DRC2: variants seen among roughly 807,000 people sequenced by gnomAD.
The protein encoded by DRC2 is dynein regulatory complex subunit 2.
chr12:48,915,288 T>C, the DRC2 span, among the ~76,000 whole-genome samples: 1 of 149,994 alleles, frequency 6.7e-6, no homozygotes, highest in Non-Finnish European at 1.5e-5. Context: ...CCCTGGGTAC[T>C]TGAGATTAGG....
chr12:48,908,601 ATTATTATTT>A, the DRC2 span, among the ~76,000 whole-genome samples: 4 of 100,618 alleles, frequency 4.0e-5, no homozygotes, highest in Non-Finnish European at 8.0e-5. Flanking sequence ...TATTATTATT[ATTATTATTT>A]ATTTATTTAT....
At chr12:48,914,278 A>G in the DRC2 span, 1 of 934,400 alleles carries the variant, frequency 1.1e-6, no homozygotes, top group Non-Finnish European at 1.6e-6. Context: ...TGAGGGGGAC[A>G]GCCAGCATTC....
At chr12:48,910,592 G>GA in the DRC2 span, among the ~76,000 whole-genome samples, 27 of 151,858 alleles carry the variant, frequency 1.8e-4, no homozygotes, top group African/African-American at 6.5e-4. Flanking sequence ...AAATTCAAAA[G>GA]AAAAAAAGGT....
At chr12:48,917,498 C>T in the DRC2 span, among the ~76,000 whole-genome samples, 1 of 151,762 alleles carries the variant, frequency 6.6e-6, no homozygotes, top group South Asian at 2.1e-4. Flanking sequence ...GAAAAATGCT[C>T]AAGGCTACTA....
the DRC2 span, among the ~76,000 whole-genome samples, chr12:48,915,114 C>CTT: frequency 9.3e-4 from 125 of 133,844 alleles, no homozygotes; most frequent in South Asian, 3.1e-3. Context: ...CACTTTCTTT[C>CTT]TTTTTTTTTT....
chr12:48,918,028 C>T, the DRC2 span: 1 of 447,834 alleles, frequency 2.2e-6, no homozygotes. Context: ...TGGCAAGGCT[C>T]ACGTGGAGCT....
the DRC2 span, among the ~76,000 whole-genome samples, chr12:48,909,112 C>G: frequency 7.4e-6 from 1 of 135,222 alleles, no homozygotes; most frequent in African/African-American, 2.8e-5. Flanking sequence ...GGCGCAATCT[C>G]GGCTCACCGC....
chr12:48,913,476 T>C, the DRC2 span, among the ~76,000 whole-genome samples: 1 of 151,058 alleles, frequency 6.6e-6, no homozygotes, highest in Non-Finnish European at 1.5e-5. Context: ...CTAACTTTTG[T>C]ATTTTTATTA....
At chr12:48,920,038 G>A in the DRC2 span, among the ~76,000 whole-genome samples, 1 of 149,772 alleles carries the variant, frequency 6.7e-6, no homozygotes, top group African/African-American at 2.5e-5. Flanking sequence ...ACTTGAGCCT[G>A]GGACATCGCG....
At chr12:48,909,146 C>A in the DRC2 span, among the ~76,000 whole-genome samples, 1 of 145,772 alleles carries the variant, frequency 6.9e-6, no homozygotes, top group Non-Finnish European at 1.5e-5. Context: ...TGGGTTCAAG[C>A]GATTCTTCTG....
chr12:48,906,480 C>T, the DRC2 span, among the ~76,000 whole-genome samples: 2 of 151,460 alleles, frequency 1.3e-5, no homozygotes, highest in Non-Finnish European at 2.9e-5. Context: ...GATGGGGTTT[C>T]TTCATGTCGG....
At chr12:48,912,437 C>CAAAAAAAAAAAAAAAAAAAAAA in the DRC2 span, among the ~76,000 whole-genome samples, 157 of 45,346 alleles carry the variant, frequency 3.5e-3, 24 homozygotes, top group Middle Eastern at 0.018. Context: ...GACGCCGTCT[C>CAAAAAAAAAAAAAAAAAAAAAA]AAAAAAAAAA....
At chr12:48,909,968 C>T in the DRC2 span, among the ~76,000 whole-genome samples, 5 of 151,886 alleles carry the variant, frequency 3.3e-5, no homozygotes, top group East Asian at 1.9e-4. Flanking sequence ...TTAGTAGAGA[C>T]GGGGCTTCAT....
At chr12:48,921,050 A>C in the DRC2 span, 4 of 1,612,054 alleles carry the variant, frequency 2.5e-6, no homozygotes, top group African/African-American at 4.0e-5. Context: ...TCAGAAGAAT[A>C]ATCTAGAAGA....
the DRC2 span, chr12:48,917,093 T>C: frequency 2.5e-6 from 4 of 1,614,010 alleles, no homozygotes; most frequent in Non-Finnish European, 3.4e-6. Flanking sequence ...GCATGTGGAA[T>C]GATCTCAAAA....
chr12:48,917,006 C>T, the DRC2 span: 11 of 1,613,968 alleles, frequency 6.8e-6, no homozygotes, highest in South Asian at 1.2e-4. Context: ...AAGAGATTCA[C>T]TATCTGCAAG....
At chr12:48,906,204 C>A in the DRC2 span, among the ~76,000 whole-genome samples, 2 of 152,152 alleles carry the variant, frequency 1.3e-5, no homozygotes, top group Non-Finnish European at 2.9e-5. Flanking sequence ...GCTCAGCAGA[C>A]CCTGGGCAGC....
At chr12:48,920,465 A>G in the DRC2 span, among the ~76,000 whole-genome samples, 41 of 148,388 alleles carry the variant, frequency 2.8e-4, 1 homozygote, top group African/African-American at 9.3e-4. Context: ...AAAAAAAAAA[A>G]AAGAATGAGA....
chr12:48,904,293 G>A, the DRC2 span: 1 of 1,592,074 alleles, frequency 6.3e-7, no homozygotes, highest in Non-Finnish European at 8.5e-7. Flanking sequence ...AACGCGGGCC[G>A]AGGCAGACCG....
Sources: allele counts gnomAD v4.1 joint callset (sites outside exome capture counted in the v4.1 genomes callset), GRCh38; gene constraint gnomAD v4.1.1; transcripts MANE v1.5; gene names NCBI Gene and HGNC (gene_info 2026-07-23, HGNC 2026-07-21).